Variants in USP36 observed in about 807,000 individuals in gnomAD.
The protein encoded by USP36 is ubiquitin specific peptidase 36.
A neutral mutation model predicts 111.5 loss-of-function variants in USP36; 59 were observed. That is an observed-to-expected ratio of 0.53 (90% CI 0.43 to 0.66). The LOEUF (loss-of-function observed/expected upper bound fraction) is 0.66. USP36 is among the 30% of genes least tolerant of loss of function. The pLI is 0.00. For synonymous variants in USP36, 628 were observed against 581.0 expected (o/e 1.08, Z -1.16); for missense variants, 1,488 against 1,468.0 (o/e 1.01, Z -0.22).
At chr17:78,838,531 T>C (rs893173925) in intron 2 of USP36, 56 bp downstream of exon 2, 6 of 152,266 alleles carry the variant, frequency 3.9e-5, no homozygotes, top group African/African-American at 1.4e-4. Flanking sequence ...CACTGCTGCG[T>C]CACATGCAGA....
At chr17:78,801,008 A>C (rs1598974172) in intron 17 of USP36, among the ~76,000 whole-genome samples, 1 of 119,282 alleles carries the variant, frequency 8.4e-6, no homozygotes, top group African/African-American at 3.3e-5. Flanking sequence ...ACGGAGTCTC[A>C]CTCTGTCACC....
In USP36 at chr17:78,803,515, G is replaced by A; in HGVS notation, c.2680C>T (p.Pro894Ser). 6.2e-7 allele frequency: 1 copy of A among 1,613,872 alleles called. No individual in the cohort carries two copies. Among genetic ancestry groups the A allele is most frequent in the Non-Finnish European group, 8.5e-7 (1 of 1,180,026 alleles). The change falls in exon 16 of 21, where the codon CCA (proline) becomes TCA (serine). Residue 894 changes from proline (P) to serine (S), a missense_variant. By Grantham distance (74) the Pro-to-Ser change is moderately conservative (BLOSUM62 -1). Around this residue, in one of 3 missense-constraint regions of USP36, gnomAD observed 1,073 missense variants for 994.1 expected, o/e 1.08. Coordinates refer to ENST00000449938, the MANE Select transcript of USP36 (RefSeq NM_001385174.1). The surrounding 1 kb of genome is among the most constrained non-coding windows in gnomAD (Gnocchi z 4.6). ...CCCACCTGCTGGCCATTCACCTGTG[G>A]CTGTGTGCCATCTTCCTGCCGTCTG... Reference protein sequence around the residue: ...AVRRQEDGTQPQVNGQQVGCV... With the variant: ...AVRRQEDGTQSQVNGQQVGCV...
downstream of USP36, among the ~76,000 whole-genome samples, chr17:78,791,230 G>GT (rs1039606188): frequency 6.6e-6 from 1 of 151,342 alleles, no homozygotes; most frequent in Non-Finnish European, 1.5e-5. Context: ...CACCTCCCGG[G>GT]TTCAAGCGAT....
At chr17:78,788,996 G>A (rs540667441) in intron 3 of USP36, among the ~76,000 whole-genome samples, 16 of 151,632 alleles carry the variant, frequency 1.1e-4, no homozygotes, top group Admixed American at 5.3e-4. Context: ...TCAGGAGTTC[G>A]AGACCAGCCT....
intron 15 of USP36, 53 bp downstream of exon 15, chr17:78,806,103 G>A (rs551774493): frequency 3.0e-5 from 49 of 1,608,508 alleles, no homozygotes; most frequent in East Asian, 1.3e-4. Flanking sequence ...CCAAGCACAC[G>A]CAACCACAGG....
At chr17:78,841,362 C>T (rs1222483787), upstream of USP36, 1 of 152,326 alleles carries the variant, frequency 6.6e-6, no homozygotes. Context: ...ACGCGGAGCA[C>T]CTGCAGTTTG....
In USP36 at chr17:78,797,918, G is replaced by A. The variant is rs564268586; in HGVS notation, c.*21-39C>T. 61 of 158,436 alleles carry A rather than the reference G, an allele frequency of 3.9e-4. No homozygotes were observed. In the South Asian group the frequency reaches 0.01, roughly 27 times the overall value. The allele number at this position is 158,436 out of a possible 1,614,324, so 9.8% of individuals were successfully genotyped here. A position where few individuals can be genotyped will look rare whatever the true frequency, so the allele number is the denominator to read the frequency against. On this transcript the variant is annotated intron_variant, in intron 20 of 20. Transcript: ENST00000449938. The stretch of plus-strand genomic sequence containing the variant: ...CACGGTAGTCCTGACAGAGAGAAAC[G>A]AGACCCGAATCTTCCCACTGCCACC...
At chr17:78,826,952 T>G (rs892198027) in intron 6 of USP36, 1 of 607,976 alleles carries the variant, frequency 1.6e-6, no homozygotes, top group Non-Finnish European at 2.9e-6. Context: ...GCTAACATAT[T>G]TCCCCCTGAC....
intron 3 of USP36, 119 bp from the exon 4 acceptor site, chr17:78,835,620 A>G: frequency 1.0e-6 from 1 of 999,066 alleles, no homozygotes; most frequent in Non-Finnish European, 1.5e-6. Flanking sequence ...ACATGGCACC[A>G]GAGAAGAACT....
At chr17:78,828,021 G>A (rs1366532927) in intron 5 of USP36, among the ~76,000 whole-genome samples, 5 of 152,112 alleles carry the variant, frequency 3.3e-5, no homozygotes, top group Admixed American at 1.3e-4. Flanking sequence ...GCTGGGAGTT[G>A]GAGACCAGCC....
At chr17:78,811,703 A>G (rs1286368110) in intron 13 of USP36, among the ~76,000 whole-genome samples, 2 of 151,958 alleles carry the variant, frequency 1.3e-5, no homozygotes, top group African/African-American at 2.4e-5. Flanking sequence ...CCCCGTCTCC[A>G]CTAAAAATAA....
intron 13 of USP36, 114 bp downstream of exon 13, chr17:78,812,746 A>G (rs976519420): frequency 3.7e-6 from 4 of 1,069,198 alleles, no homozygotes; most frequent in Admixed American, 2.4e-5. Context: ...CATCAACTAG[A>G]ATAGTGCAAA....
At chr17:78,825,849 C>CTT (rs980004309) in intron 6 of USP36, among the ~76,000 whole-genome samples, 5 of 152,238 alleles carry the variant, frequency 3.3e-5, no homozygotes, top group African/African-American at 1.2e-4. Flanking sequence ...GGGACACCTA[C>CTT]TTGCCTTTGC....
intron 1 of USP36, among the ~76,000 whole-genome samples, chr17:78,839,790 A>G (rs943687088): frequency 6.6e-6 from 1 of 152,156 alleles, no homozygotes; most frequent in African/African-American, 2.4e-5. Context: ...GTGTTCCTGT[A>G]ATCACTAGCA....
chr17:78,833,025 G>A (rs2145609849), intron 4 of USP36, among the ~76,000 whole-genome samples: 1 of 152,134 alleles, frequency 6.6e-6, no homozygotes, highest in Middle Eastern at 3.4e-3. Flanking sequence ...GCGGGCACCT[G>A]CAGTCCCAGC....
downstream of USP36, among the ~76,000 whole-genome samples, chr17:78,792,913 AC>A (rs1350309314): frequency 6.6e-6 from 1 of 152,060 alleles, no homozygotes; most frequent in African/African-American, 2.4e-5. Context: ...ACAGGGTTTC[AC>A]CATGTTGGTC....
chr17:78,787,499 G>A (rs1314848039), exon 4 of USP36: 1 of 152,184 alleles, frequency 6.6e-6, no homozygotes, highest in African/African-American at 2.4e-5. Context: ...CAAAATCAAT[G>A]TATACATGCT....
At chr17:78,808,065 G>A (rs575511057) in intron 13 of USP36, among the ~76,000 whole-genome samples, 29 of 152,238 alleles carry the variant, frequency 1.9e-4, no homozygotes, top group South Asian at 4.1e-4. Flanking sequence ...CAAGATTTGG[G>A]AAGAGAAAAA....
chr17:78,809,671 G>C (rs1235241719), intron 13 of USP36, among the ~76,000 whole-genome samples: 2 of 152,190 alleles, frequency 1.3e-5, no homozygotes, highest in East Asian at 3.9e-4. Context: ...TCATTCTGTT[G>C]TCCAGGCTGG....
Sources: allele counts gnomAD v4.1 joint callset (sites outside exome capture counted in the v4.1 genomes callset), GRCh38; gene constraint gnomAD v4.1.1; regional missense constraint gnomAD v4.1.1; non-coding constraint Gnocchi (gnomAD v3.1); transcripts MANE v1.5; gene names NCBI Gene and HGNC (gene_info 2026-07-23, HGNC 2026-07-21).